The following KIRREL1 variants were observed in gnomAD, a reference collection of about 807,000 sequenced individuals.
KIRREL1 encodes the protein kirre like nephrin family adhesion molecule 1, also known as kin of IRRE-like protein 1.
In KIRREL1, 25 loss-of-function variants were observed where a neutral mutation model predicts 83.3. The ratio of observed to expected loss-of-function variants is 0.30; its 90% CI spans 0.22 to 0.42. KIRREL1 has a LOEUF of 0.42. KIRREL1 is among the 10% of genes least tolerant of loss of function. The probability of loss-of-function intolerance (pLI) is 1.00; values close to 1 mark genes in which losing one functional copy is unlikely to be tolerated. For synonymous variants in KIRREL1, 388 were observed against 410.4 expected (o/e 0.95, Z 0.66); for missense variants, 812 against 1,032.3 (o/e 0.79, Z 2.92).
At chr1:158,047,314 C>G (rs1308445443) in intron 1 of KIRREL1, among the ~76,000 whole-genome samples, 1 of 152,136 alleles carries the variant, frequency 6.6e-6, no homozygotes, top group Non-Finnish European at 1.5e-5. Flanking sequence ...AAGAGAGCAA[C>G]ACAGACAAAC....
At chr1:158,071,268 CCCTCTG>C (rs1661506887) in intron 1 of KIRREL1, among the ~76,000 whole-genome samples, 1 of 152,220 alleles carries the variant, frequency 6.6e-6, no homozygotes, top group Non-Finnish European at 1.5e-5. Flanking sequence ...TCCTCGCTCT[CCCTCTG>C]CCTCTGCGTG....
chr1:158,061,003 A>ATAC (rs574793469), intron 1 of KIRREL1, among the ~76,000 whole-genome samples: 61 of 152,090 alleles, frequency 4.0e-4, no homozygotes, highest in African/African-American at 1.4e-3. Flanking sequence ...TCTGCCTGTA[A>ATAC]ACCCACTGAG....
chr1:158,042,039 G>A lies in KIRREL1; in HGVS notation c.53-34074G>A, dbSNP rs555232913. Among the ~76,000 whole-genome samples the A allele has an allele frequency of 5.3e-5, 8 of 152,248 alleles. No individual in the cohort carries two copies. In the South Asian group the frequency reaches 1.7e-3, roughly 32 times the overall value. On this transcript the variant is annotated intron_variant, in intron 1 of 14. Transcript: ENST00000359209. ...CTTGCTACATTGCCTGAGCACTTCT[G>A]GAGCTCAGAGAACTTGTTCAGAGAA... is the stretch of plus-strand genomic sequence containing the variant.
chr1:158,097,275 G>A lies in KIRREL1; in HGVS notation c.*2155G>A, dbSNP rs1264647551. 6.3e-6 allele frequency: 2 copies of A among 316,132 alleles called. No individual in the cohort carries two copies. The highest frequency in any genetic ancestry group is 4.5e-5 in the Admixed American group (1 of 22,076). 19.6% of individuals were successfully genotyped at this position (316,132 alleles called of 1,614,324 possible). On this transcript the variant is annotated 3_prime_UTR_variant, in exon 15 of 15. Coordinates refer to ENST00000359209, the MANE Select transcript of KIRREL1 (RefSeq NM_018240.7). The stretch of plus-strand genomic sequence containing the variant: ...TTCACAAAAACCAGAAACCATGGGG[G>A]AATCCAAAGACTTGAAGTCTAAAGA...
rs542300172 is a variant in KIRREL1 at position 158,095,715 on chromosome 1, G to T, written c.*595G>T. 6.6e-6 allele frequency: 1 copy of T among 152,418 alleles called. No homozygotes were observed. The highest frequency in any genetic ancestry group is 1.5e-5 in the Non-Finnish European group (1 of 68,136). The allele number at this position is 152,418 out of a possible 1,614,324, so 9.4% of individuals were successfully genotyped here. On this transcript the variant is annotated 3_prime_UTR_variant, in exon 15 of 15. Coordinates refer to ENST00000359209, the MANE Select transcript of KIRREL1 (RefSeq NM_018240.7). ...TGCATTCAAATCCAGTCTTCATTCA[G>T]CTGGGATCAAAATGCCAGTCACCTT...
intron 1 of KIRREL1, among the ~76,000 whole-genome samples, chr1:158,002,342 G>A (rs866696466): frequency 9.8e-5 from 15 of 152,326 alleles, no homozygotes; most frequent in Middle Eastern, 3.4e-3. Flanking sequence ...TTCCATCAGA[G>A]GGCCCATCCG....
At chr1:158,029,370 C>CTGTGTGT (rs1258028201) in intron 1 of KIRREL1, among the ~76,000 whole-genome samples, 5 of 10,462 alleles carry the variant, frequency 4.8e-4, no homozygotes, top group Non-Finnish European at 1.9e-3. Context: ...TGTGTGTGCA[C>CTGTGTGT]GTGCGCGCGC....
chr1:158,091,626 G>C, intron 11 of KIRREL1, 70 bp downstream of exon 11: 6 of 1,458,248 alleles, frequency 4.1e-6, no homozygotes, highest in Non-Finnish European at 5.7e-6. Flanking sequence ...CTTTTCTCCA[G>C]GGGCAGGGCT....
chr1:158,000,661 C>G (rs1659336829), intron 1 of KIRREL1, among the ~76,000 whole-genome samples: 1 of 152,234 alleles, frequency 6.6e-6, no homozygotes, highest in Non-Finnish European at 1.5e-5. Context: ...CCTCTATCAG[C>G]TGACTCCAAG....
At position 158,094,852 on chromosome 1, in the gene KIRREL1, G is replaced by T. The variant is rs1210602170; in HGVS notation, c.2006G>T (p.Gly669Val). ...SDYGPEPTPP[G>V]PAAPAGTDTT... The stretch of plus-strand genomic sequence containing the variant: ...TATGGCCCTGAGCCCACACCCCCTG[G>T]CCCTGCTGCCCCAGCTGGCACTGAC... The change falls in exon 15 of 15, where the codon GGC (glycine) becomes GTC (valine). Residue 669 changes from glycine (G) to valine (V), a missense_variant. Transcript: ENST00000359209. This position sits in a 1 kb window ranked among gnomAD's most constrained non-coding sequence, Gnocchi z 4.6. The T allele has an allele frequency of 6.2e-7, 1 of 1,613,908 alleles. No homozygotes were observed.
intron 1 of KIRREL1, among the ~76,000 whole-genome samples, chr1:158,024,040 C>T (rs1444605739): frequency 2.0e-5 from 3 of 151,766 alleles, no homozygotes; most frequent in African/African-American, 4.8e-5. Context: ...CTCTGCCTCC[C>T]GGGTTCAAGT....
At chr1:157,997,435 G>A (rs978575897) in intron 1 of KIRREL1, among the ~76,000 whole-genome samples, 27 of 151,788 alleles carry the variant, frequency 1.8e-4, no homozygotes, top group African/African-American at 5.1e-4. Flanking sequence ...AGTTGTCTGC[G>A]CTTCCTTTTC....
intron 1 of KIRREL1, among the ~76,000 whole-genome samples, chr1:158,060,102 A>G (rs2101603955): frequency 6.6e-6 from 1 of 152,126 alleles, no homozygotes; most frequent in African/African-American, 2.4e-5. Flanking sequence ...GGCTTCCTGG[A>G]CTTACTGGAA....
At chr1:158,010,085 A>C (rs73018964) in intron 1 of KIRREL1, among the ~76,000 whole-genome samples, 1,696 of 152,184 alleles carry the variant, frequency 0.011, 32 homozygotes, top group African/African-American at 0.039. Flanking sequence ...CTGGCTGCAC[A>C]GTTTTCCAAC....
chr1:157,996,698 A>G (rs1162016221), intron 1 of KIRREL1, among the ~76,000 whole-genome samples: 1 of 152,216 alleles, frequency 6.6e-6, no homozygotes, highest in East Asian at 1.9e-4. Flanking sequence ...CACACTTTAG[A>G]TGTCCCACTT....
Position 158,017,969 on chromosome 1 carries a change from G to A in KIRREL1, c.52+24241G>A, listed in dbSNP as rs76182969. Among the ~76,000 whole-genome samples the A allele has an allele frequency of 3.6e-3, 545 of 152,128 alleles. 4 individuals carry two copies. Among genetic ancestry groups the A allele is most frequent in the African/African-American group, 0.013 (522 of 41,536 alleles). ...CCTGACAGAAAAGCTTTGTTTGAAG[G>A]GAATGTGAAGGGGGAGGAGGAGGGA... On this transcript the variant is annotated intron_variant, in intron 1 of 14. Coordinates refer to ENST00000359209, the MANE Select transcript of KIRREL1 (RefSeq NM_018240.7).
At chr1:158,087,962 G>T (rs1662066147) in intron 6 of KIRREL1, 44 bp from the exon 7 acceptor site, 5 of 1,612,382 alleles carry the variant, frequency 3.1e-6, no homozygotes, top group Non-Finnish European at 4.2e-6. Flanking sequence ...GTAGTTGAGA[G>T]GGTCTGAGGC....
At chr1:158,008,221 C>T (rs755744747) in intron 1 of KIRREL1, among the ~76,000 whole-genome samples, 7 of 151,512 alleles carry the variant, frequency 4.6e-5, no homozygotes, top group Admixed American at 6.6e-5. Flanking sequence ...AGGAAGGGGG[C>T]GGGGCGCAGT....
chr1:158,061,778 G>T lies in KIRREL1; in HGVS notation c.53-14335G>T, dbSNP rs1282867432. 1.2e-4 allele frequency among the ~76,000 whole-genome samples: 18 copies of T among 152,162 alleles called. 2 individuals carry two copies. The highest frequency in any genetic ancestry group is 9.2e-4 in the Admixed American group (14 of 15,282). ...GCTGATGAGGGCACAGTTCAGGGTG[G>T]CTGGTTTTTGTAGGATGGGAAAGGA... On this transcript the variant is annotated intron_variant, in intron 1 of 14. Coordinates refer to ENST00000359209, the MANE Select transcript of KIRREL1 (RefSeq NM_018240.7).
Sources: allele counts gnomAD v4.1 joint callset (sites outside exome capture counted in the v4.1 genomes callset), GRCh38; gene constraint gnomAD v4.1.1; non-coding constraint Gnocchi (gnomAD v3.1); transcripts MANE v1.5; gene names NCBI Gene and HGNC (gene_info 2026-07-23, HGNC 2026-07-21).